The following KCNAB1 variants were observed in gnomAD, a reference collection of about 807,000 sequenced individuals.
The protein encoded by KCNAB1 is voltage-gated potassium channel subunit beta-1.
KCNAB1 carries 35 observed loss-of-function variants against 64.6 expected under a neutral mutation model. That is an observed-to-expected ratio of 0.54 (90% CI 0.41 to 0.72). KCNAB1 has a LOEUF of 0.72. Among genes scored for constraint, KCNAB1 ranks in the 30% least tolerant of loss-of-function variants. The pLI is 0.00. For missense variants in KCNAB1, 401 were observed against 512.9 expected, an observed-to-expected ratio of 0.78 and a Z score of 2.11; for synonymous variants, 177 against 183.8, an observed-to-expected ratio of 0.96 and a Z score of 0.30.
chr3:156,255,210 A>G (rs960859893), intron 1 of KCNAB1, among the ~76,000 whole-genome samples: 1 of 152,212 alleles, frequency 6.6e-6, no homozygotes, highest in Non-Finnish European at 1.5e-5. Context: ...GTTGGTAGTG[A>G]ACTATTTCCA....
intron 1 of KCNAB1, among the ~76,000 whole-genome samples, chr3:156,339,767 T>C (rs1223630085): frequency 6.6e-6 from 1 of 152,140 alleles, no homozygotes; most frequent in African/African-American, 2.4e-5. Flanking sequence ...CATGACCCAT[T>C]GGAGGGGGAG....
intron 1 of KCNAB1, among the ~76,000 whole-genome samples, chr3:156,139,437 A>G (rs1714563459): frequency 6.6e-6 from 1 of 152,120 alleles, no homozygotes; most frequent in South Asian, 2.1e-4. Context: ...CGCTGGCACC[A>G]CTGCCTGAAC....
At chr3:156,369,144 T>C (rs1726143180) in intron 1 of KCNAB1, among the ~76,000 whole-genome samples, 1 of 152,208 alleles carries the variant, frequency 6.6e-6, no homozygotes, top group Non-Finnish European at 1.5e-5. Flanking sequence ...ACTATTCTGA[T>C]TTCTTTTACC....
intron 1 of KCNAB1, among the ~76,000 whole-genome samples, chr3:156,398,099 C>A (rs1306837686): frequency 6.6e-6 from 1 of 152,080 alleles, no homozygotes; most frequent in Non-Finnish European, 1.5e-5. Flanking sequence ...ATGGGTGAGG[C>A]TGGAAACCAT....
chr3:156,443,779 C>CACACA lies in KCNAB1; in HGVS notation c.320-9118_320-9117insACAAC, dbSNP rs1210068297. The stretch of plus-strand genomic sequence containing the variant: ...ACACACACACACACACACACACACA[C>CACACA]ACTATTCTTTACTTGTAAATGGAGA... On this transcript the variant is annotated intron_variant, in intron 2 of 13. Coordinates refer to ENST00000490337, the MANE Select transcript of KCNAB1 (RefSeq NM_172160.3). Among the ~76,000 whole-genome samples, 45 of 145,438 alleles carry CACACA rather than the reference C, an allele frequency of 3.1e-4. No individual in the cohort carries two copies. The East Asian group carries it at 3.6e-3, about 12-fold the overall frequency.
chr3:156,213,767 G>GC (rs1715155175), intron 1 of KCNAB1, among the ~76,000 whole-genome samples: 1 of 152,114 alleles, frequency 6.6e-6, no homozygotes, highest in African/African-American at 2.4e-5. Context: ...TTTGGTCTTT[G>GC]CCCCCAGTTC....
At chr3:156,384,787 T>C (rs927514728) in intron 1 of KCNAB1, among the ~76,000 whole-genome samples, 2 of 152,132 alleles carry the variant, frequency 1.3e-5, no homozygotes, top group East Asian at 3.9e-4. Flanking sequence ...CTCAGAAAAC[T>C]TCCATTCTGT....
At chr3:156,497,277 A>G (rs2108360628) in intron 8 of KCNAB1, among the ~76,000 whole-genome samples, 1 of 152,338 alleles carries the variant, frequency 6.6e-6, no homozygotes, top group East Asian at 1.9e-4. Flanking sequence ...CTCCTTCCAG[A>G]CATGTGCCAT....
At chr3:156,489,499 A>G (rs1715483900) in intron 8 of KCNAB1, among the ~76,000 whole-genome samples, 1 of 152,148 alleles carries the variant, frequency 6.6e-6, no homozygotes. Context: ...CTTTAACAAC[A>G]TTGACAAGAG....
rs770411260 is a variant in KCNAB1, at chr3:156,523,821, C to T, written c.961-6C>T. ...ATTAACATTTCAATGTTATGCTTTT[C>T]CCCAGTGCTACCAGTGGTTGAAAGA... On this transcript the variant is annotated splice_region_variant and splice_polypyrimidine_tract_variant and intron_variant, in intron 11 of 13. Coordinates refer to ENST00000490337, the MANE Select transcript of KCNAB1 (RefSeq NM_172160.3). The T allele has an allele frequency of 5.0e-6, 8 of 1,609,614 alleles. No homozygotes were observed. In the Admixed American group the frequency reaches 6.7e-5, roughly 14 times the overall value.
intron 1 of KCNAB1, among the ~76,000 whole-genome samples, chr3:156,416,092 G>C (rs1014791546): frequency 1.3e-5 from 2 of 151,954 alleles, no homozygotes; most frequent in African/African-American, 2.4e-5. Context: ...TACCTACTGG[G>C]GATATCTGGA....
chr3:156,289,607 C>T (rs1452256261), intron 1 of KCNAB1, among the ~76,000 whole-genome samples: 1 of 152,148 alleles, frequency 6.6e-6, no homozygotes, highest in Admixed American at 6.5e-5. Context: ...TGTTCCTTTC[C>T]CCAACCCTCA....
At chr3:156,497,699 C>G (rs190381376) in intron 8 of KCNAB1, among the ~76,000 whole-genome samples, 1 of 152,266 alleles carries the variant, frequency 6.6e-6, no homozygotes, top group African/African-American at 2.4e-5. Context: ...AACTGTTCCA[C>G]TAATGAATAT....
chr3:156,175,021 C>T (rs2108332949), intron 1 of KCNAB1, among the ~76,000 whole-genome samples: 1 of 152,320 alleles, frequency 6.6e-6, no homozygotes, highest in East Asian at 1.9e-4. Context: ...TGGAGAACCT[C>T]ACAGGGCTTA....
At chr3:156,344,939 C>CAAAATAA (rs1431037272) in intron 1 of KCNAB1, among the ~76,000 whole-genome samples, 1 of 152,110 alleles carries the variant, frequency 6.6e-6, no homozygotes, top group Non-Finnish European at 1.5e-5. Flanking sequence ...TCTAAATAGG[C>CAAAATAA]AAAATAAAAT....
chr3:156,338,168 A>T (rs1305989616), intron 1 of KCNAB1, among the ~76,000 whole-genome samples: 2 of 152,142 alleles, frequency 1.3e-5, no homozygotes, highest in Non-Finnish European at 2.9e-5. Flanking sequence ...TTCCAAGGTC[A>T]CATCAGTCAG....
At chr3:156,158,439 T>C (rs1715885843) in intron 1 of KCNAB1, among the ~76,000 whole-genome samples, 1 of 152,170 alleles carries the variant, frequency 6.6e-6, no homozygotes, top group Admixed American at 6.5e-5. Flanking sequence ...TGGGCTCTCA[T>C]GTAAACAAGA....
chr3:156,262,052 A>G (rs780523562), intron 1 of KCNAB1, among the ~76,000 whole-genome samples: 8 of 151,886 alleles, frequency 5.3e-5, no homozygotes, highest in Non-Finnish European at 1.2e-4. Flanking sequence ...TTGATCTTAT[A>G]TTCTGTGATC....
At chr3:156,216,466 T>C (rs1334148263) in intron 1 of KCNAB1, among the ~76,000 whole-genome samples, 1 of 152,208 alleles carries the variant, frequency 6.6e-6, no homozygotes, top group South Asian at 2.1e-4. Context: ...CCTAAATGTT[T>C]TGTGAACAGT....
Sources: allele counts gnomAD v4.1 joint callset (sites outside exome capture counted in the v4.1 genomes callset), GRCh38; gene constraint gnomAD v4.1.1; transcripts MANE v1.5; gene names NCBI Gene and HGNC (gene_info 2026-07-23, HGNC 2026-07-21).